Variants in CHST11 observed in about 807,000 individuals in gnomAD.
The protein encoded by CHST11 is C4S-1.
In CHST11, 9 loss-of-function variants were observed where a neutral mutation model predicts 30.4. The ratio of observed to expected loss-of-function variants is 0.30; its 90% CI spans 0.18 to 0.52. The LOEUF is 0.52. CHST11 is among the 20% of genes least tolerant of loss of function. CHST11 has a pLI of 0.97. For missense variants in CHST11, 348 were observed against 460.6 expected, an observed-to-expected ratio of 0.76 and a Z score of 2.24; for synonymous variants, 152 against 187.8, an observed-to-expected ratio of 0.81 and a Z score of 1.56.
intron 2 of CHST11, among the ~76,000 whole-genome samples, chr12:104,664,036 C>T (rs978294436): frequency 4.6e-5 from 7 of 152,210 alleles, no homozygotes; most frequent in African/African-American, 1.7e-4. Context: ...GGACCTCCAT[C>T]TTATTTCTTC....
At chr12:104,506,136 G>C (rs2037902171) in intron 1 of CHST11, among the ~76,000 whole-genome samples, 1 of 152,220 alleles carries the variant, frequency 6.6e-6, no homozygotes, top group Admixed American at 6.5e-5. Flanking sequence ...TCAGGTGTCT[G>C]ATCTGTGCGT....
intron 2 of CHST11, among the ~76,000 whole-genome samples, chr12:104,604,143 CAT>C (rs1458505112): frequency 1.3e-5 from 2 of 152,126 alleles, no homozygotes; most frequent in Non-Finnish European, 2.9e-5. Context: ...GTAAACCAGT[CAT>C]AGAAGAGATG....
intron 1 of CHST11, among the ~76,000 whole-genome samples, chr12:104,586,453 C>G (rs779044236): frequency 1.1e-4 from 17 of 152,234 alleles, no homozygotes; most frequent in Admixed American, 6.5e-5. Context: ...CTGGGCAGAA[C>G]TAAACAGCTT....
chr12:104,750,443 TTTTTTTTTTTTTTG>T (rs771143087), intron 2 of CHST11, among the ~76,000 whole-genome samples: 3,193 of 115,286 alleles, frequency 0.028, 77 homozygotes, highest in East Asian at 0.17. Flanking sequence ...TTTTTTTTTT[TTTTTTTTTTTTTTG>T]TTGAGACTGA....
At chr12:104,677,810 C>T (rs781756222) in intron 2 of CHST11, among the ~76,000 whole-genome samples, 1 of 152,218 alleles carries the variant, frequency 6.6e-6, no homozygotes, top group East Asian at 1.9e-4. Context: ...TCCAAGGGGC[C>T]CTGCTTGCCT....
intron 1 of CHST11, among the ~76,000 whole-genome samples, chr12:104,515,200 A>T (rs562269245): frequency 2.2e-4 from 34 of 151,942 alleles, no homozygotes; most frequent in African/African-American, 7.7e-4. Context: ...AATGTCCTTA[A>T]ATAAAGTTTC....
chr12:104,711,863 G>T (rs2040091548), intron 2 of CHST11, among the ~76,000 whole-genome samples: 1 of 152,124 alleles, frequency 6.6e-6, no homozygotes. Flanking sequence ...GAAATAGGAG[G>T]CCACTGAGGC....
chr12:104,583,835 T>C (rs2038773550), intron 1 of CHST11, among the ~76,000 whole-genome samples: 2 of 151,536 alleles, frequency 1.3e-5, no homozygotes, highest in East Asian at 2.0e-4. Flanking sequence ...GCCTCAGCCT[T>C]CTGAGTAGCT....
intron 2 of CHST11, among the ~76,000 whole-genome samples, chr12:104,619,159 G>A (rs1440761666): frequency 6.6e-6 from 1 of 152,230 alleles, no homozygotes; most frequent in African/African-American, 2.4e-5. Context: ...TGAAATGGGA[G>A]CAAGGCATGG....
intron 1 of CHST11, among the ~76,000 whole-genome samples, chr12:104,532,581 A>G (rs2038195988): frequency 6.6e-6 from 1 of 152,100 alleles, no homozygotes; most frequent in Admixed American, 6.5e-5. Flanking sequence ...CCAGCTCAGA[A>G]GCTCTCTACA....
intron 1 of CHST11, among the ~76,000 whole-genome samples, chr12:104,510,812 GT>G (rs143657661): frequency 6.6e-6 from 1 of 150,900 alleles, no homozygotes; most frequent in Non-Finnish European, 1.5e-5. Flanking sequence ...TGAGTTTCTT[GT>G]TTTTTCTTTT....
intron 2 of CHST11, among the ~76,000 whole-genome samples, chr12:104,751,777 C>T (rs762030352): frequency 6.6e-6 from 1 of 152,230 alleles, no homozygotes; most frequent in Non-Finnish European, 1.5e-5. Flanking sequence ...GTACTATCCC[C>T]ATTTTGCAAA....
At chr12:104,609,344 C>T (rs1008532943) in intron 2 of CHST11, among the ~76,000 whole-genome samples, 2 of 152,208 alleles carry the variant, frequency 1.3e-5, no homozygotes, top group Admixed American at 6.5e-5. Context: ...ATTACATTAA[C>T]CTGATCTTAC....
intron 1 of CHST11, among the ~76,000 whole-genome samples, chr12:104,481,867 T>G (rs1442981146): frequency 6.6e-6 from 1 of 151,346 alleles, no homozygotes; most frequent in Non-Finnish European, 1.5e-5. Context: ...TTTGGAGTTT[T>G]GTTCTTGTTG....
chr12:104,641,927 CACCCCAGGGAGG>C (rs1462127818), intron 2 of CHST11, among the ~76,000 whole-genome samples: 2 of 152,194 alleles, frequency 1.3e-5, no homozygotes, highest in Non-Finnish European at 2.9e-5. Flanking sequence ...GCACCCCATC[CACCCCAGGGAGG>C]ACATTTGGCA....
chr12:104,479,333 AAG>A (rs1305008050), intron 1 of CHST11, among the ~76,000 whole-genome samples: 3 of 152,092 alleles, frequency 2.0e-5, no homozygotes, highest in African/African-American at 7.2e-5. Flanking sequence ...TCCCAGTAGA[AAG>A]AGAGAGTACT....
At chr12:104,641,219 C>T (rs2039373450) in intron 2 of CHST11, among the ~76,000 whole-genome samples, 1 of 152,142 alleles carries the variant, frequency 6.6e-6, no homozygotes, top group African/African-American at 2.4e-5. Context: ...TTTGTGTGAC[C>T]TCATTCCTCC....
At chr12:104,533,297 A>G (rs935648488) in intron 1 of CHST11, among the ~76,000 whole-genome samples, 2 of 152,242 alleles carry the variant, frequency 1.3e-5, no homozygotes, top group Non-Finnish European at 2.9e-5. Flanking sequence ...AAGAATAGGA[A>G]GAAGTGTAAT....
At chr12:104,471,224 G>A (rs2037506108) in intron 1 of CHST11, among the ~76,000 whole-genome samples, 1 of 152,148 alleles carries the variant, frequency 6.6e-6, no homozygotes. Context: ...ACTCCTTCAG[G>A]GAAGGGGCCA....
Sources: gnomAD v4.1 joint callset for allele counts (sites outside exome capture counted in the v4.1 genomes callset) on GRCh38, gnomAD v4.1.1 for gene constraint, MANE v1.5 for transcripts, NCBI Gene and HGNC (gene_info 2026-07-23, HGNC 2026-07-21) for gene names.